Variants in PPP2R2B observed in about 807,000 individuals in gnomAD.
PPP2R2B encodes serine/threonine-protein phosphatase 2A 55 kDa regulatory subunit B beta isoform.
A neutral mutation model predicts 46.0 loss-of-function variants in PPP2R2B; 5 were observed. The observed-to-expected ratio is 0.11, with a 90% CI of 0.06 to 0.23. PPP2R2B has a LOEUF of 0.23. Ranked by LOEUF, PPP2R2B falls within the 10% of genes least tolerant of loss-of-function variation. The probability of loss-of-function intolerance (pLI) is 1.00; values close to 1 mark genes in which losing one functional copy is unlikely to be tolerated. For missense variants in PPP2R2B, 367 were observed against 575.0 expected (o/e 0.64, Z 3.70); for synonymous variants, 215 against 206.7 (o/e 1.04, Z -0.34).
chr5:146,981,380 AT>A (rs964560295), intron 1 of PPP2R2B, among the ~76,000 whole-genome samples: 7 of 150,054 alleles, frequency 4.7e-5, no homozygotes, highest in Admixed American at 2.0e-4. Context: ...ATAATGAGTT[AT>A]TTTTTTTTCT....
chr5:146,647,343 G>A (rs1775651558), intron 6 of PPP2R2B, among the ~76,000 whole-genome samples: 1 of 152,128 alleles, frequency 6.6e-6, no homozygotes, highest in Non-Finnish European at 1.5e-5. Context: ...GGGCATTGTG[G>A]AAATGAGACC....
At chr5:147,041,967 C>A (rs935037686) in intron 1 of PPP2R2B, among the ~76,000 whole-genome samples, 1 of 152,096 alleles carries the variant, frequency 6.6e-6, no homozygotes, top group African/African-American at 2.4e-5. Flanking sequence ...CTTTCACTGG[C>A]AGCCCCTTCC....
At chr5:146,715,258 CT>C (rs1488907448) in intron 2 of PPP2R2B, among the ~76,000 whole-genome samples, 1 of 152,180 alleles carries the variant, frequency 6.6e-6, no homozygotes, top group Non-Finnish European at 1.5e-5. Context: ...ATGGAAAACT[CT>C]TTTAGCTGCA....
chr5:147,054,529 C>A, intron 1 of PPP2R2B: 1 of 440,284 alleles, frequency 2.3e-6, no homozygotes, highest in South Asian at 1.6e-5. Context: ...AAAATACCAC[C>A]CTCAGTCTCA....
rs898276647 is a variant in PPP2R2B, at chr5:146,741,490, C to T, written c.71-40348G>A. Among the ~76,000 whole-genome samples the T allele has an allele frequency of 3.3e-5, 5 of 152,130 alleles. No homozygotes were observed. The South Asian group carries it at 1.0e-3, about 32-fold the overall frequency. On this transcript the variant is annotated intron_variant, in intron 2 of 9. Coordinates refer to ENST00000394411, the MANE Select transcript of PPP2R2B (RefSeq NM_181675.4). ...TGGAGGGTGAAACACTCCCGGTGTC[C>T]TTGTAGATGGCATGCTTCTTGGACA...
intron 1 of PPP2R2B, among the ~76,000 whole-genome samples, chr5:146,884,924 G>T (rs1234780079): frequency 6.6e-6 from 1 of 152,034 alleles, no homozygotes; most frequent in Non-Finnish European, 1.5e-5. Flanking sequence ...CCACTTTACA[G>T]AATTTATTCT....
intron 2 of PPP2R2B, among the ~76,000 whole-genome samples, chr5:146,752,630 T>C (rs1753624283): frequency 6.6e-6 from 1 of 152,178 alleles, no homozygotes; most frequent in Non-Finnish European, 1.5e-5. Context: ...AGGTTTGCAA[T>C]GTGTGAGATA....
chr5:146,962,271 C>T (rs1032916281), intron 1 of PPP2R2B, among the ~76,000 whole-genome samples: 4 of 150,816 alleles, frequency 2.7e-5, no homozygotes, highest in South Asian at 4.2e-4. Flanking sequence ...TCTTTGCTTC[C>T]AATGTTTCCT....
chr5:146,994,104 T>C (rs1753821854), intron 1 of PPP2R2B, among the ~76,000 whole-genome samples: 2 of 152,300 alleles, frequency 1.3e-5, no homozygotes, highest in African/African-American at 4.8e-5. Context: ...TACTCGGCTG[T>C]GTCCCAGCTG....
intron 2 of PPP2R2B, among the ~76,000 whole-genome samples, chr5:146,877,488 T>G (rs529333425): frequency 1.3e-5 from 2 of 152,316 alleles, no homozygotes; most frequent in South Asian, 4.1e-4. Flanking sequence ...GGAAAGAGGT[T>G]CGCCCGTCTG....
intron 1 of PPP2R2B, among the ~76,000 whole-genome samples, chr5:146,971,989 G>T (rs567592577): frequency 6.6e-6 from 1 of 152,094 alleles, no homozygotes; most frequent in East Asian, 1.9e-4. Context: ...ATTTTATTTG[G>T]ATTTTAACAG....
chr5:146,982,379 A>C (rs1271632751), intron 1 of PPP2R2B, among the ~76,000 whole-genome samples: 4 of 152,126 alleles, frequency 2.6e-5, no homozygotes, highest in African/African-American at 9.7e-5. Context: ...ATTGATTTCT[A>C]ATGTAACTCC....
chr5:146,600,701 G>T (rs1049983024), intron 7 of PPP2R2B, among the ~76,000 whole-genome samples: 1 of 152,076 alleles, frequency 6.6e-6, no homozygotes, highest in Non-Finnish European at 1.5e-5. Flanking sequence ...CATAGATCTG[G>T]CACTGACAGA....
At chr5:146,604,017 A>G (rs1381151148) in intron 7 of PPP2R2B, among the ~76,000 whole-genome samples, 1 of 152,222 alleles carries the variant, frequency 6.6e-6, no homozygotes, top group East Asian at 1.9e-4. Flanking sequence ...GCTAGAGTCC[A>G]CAAGTAAAAA....
intron 6 of PPP2R2B, among the ~76,000 whole-genome samples, chr5:146,641,727 C>T (rs555129906): frequency 3.3e-5 from 5 of 152,126 alleles, no homozygotes; most frequent in South Asian, 4.2e-4. Flanking sequence ...CTCTAAAGGG[C>T]GATCCATGTT....
At chr5:146,981,940 G>A (rs1198546372) in intron 1 of PPP2R2B, among the ~76,000 whole-genome samples, 2 of 152,176 alleles carry the variant, frequency 1.3e-5, no homozygotes, top group Admixed American at 6.5e-5. Flanking sequence ...AACCTCTGCA[G>A]CAGTTGGCCC....
intron 1 of PPP2R2B, among the ~76,000 whole-genome samples, chr5:146,973,682 T>C (rs1032184363): frequency 3.6e-4 from 55 of 152,292 alleles, no homozygotes; most frequent in African/African-American, 1.3e-3. Flanking sequence ...TATTTGAGGC[T>C]AGGATTCTTT....
chr5:146,832,377 ATCTTTTTTTTT>A lies in PPP2R2B; in HGVS notation c.70+45614_70+45624del, dbSNP rs1383756558. 5.0e-3 allele frequency among the ~76,000 whole-genome samples: 521 copies of A among 104,326 alleles called. 16 individuals carry two copies. Among genetic ancestry groups the A allele is most frequent in the East Asian group, 8.8e-3 (27 of 3,078 alleles). 68.4% of individuals were successfully genotyped at this position (104,326 alleles called of 152,430 possible). On this transcript the variant is annotated intron_variant, in intron 2 of 9. Coordinates refer to ENST00000394411, the MANE Select transcript of PPP2R2B (RefSeq NM_181675.4). ...TACACAAGTAAGTGTGCCATTTTTA[ATCTTTTTTTTT>A]TTTTTTTTTTTTTTTTTTTTGAGAC...
intron 1 of PPP2R2B, among the ~76,000 whole-genome samples, chr5:147,027,742 G>A (rs950064134): frequency 6.6e-6 from 1 of 152,074 alleles, no homozygotes; most frequent in Non-Finnish European, 1.5e-5. Context: ...TCACTGTGGT[G>A]ATGATCAATG....
Sources: gnomAD v4.1 joint callset for allele counts (sites outside exome capture counted in the v4.1 genomes callset) on GRCh38, gnomAD v4.1.1 for gene constraint, MANE v1.5 for transcripts, NCBI Gene and HGNC (gene_info 2026-07-23, HGNC 2026-07-21) for gene names.